EYA4: variants seen among roughly 807,000 people sequenced by gnomAD.
EYA4 encodes protein phosphatase EYA4.
Under a neutral mutation model 87.9 loss-of-function variants are expected in EYA4, and 31 were observed. That is an observed-to-expected ratio of 0.35 (90% confidence interval 0.27 to 0.48). EYA4 has a LOEUF of 0.48. EYA4 is among the 20% of genes least tolerant of loss of function. The pLI is 0.99. For synonymous variants in EYA4, 263 were observed against 270.6 expected (o/e 0.97, Z 0.28); for missense variants, 678 against 761.4 (o/e 0.89, Z 1.29).
intron 3 of EYA4, among the ~76,000 whole-genome samples, chr6:133,421,469 A>G (rs1790216702): frequency 6.6e-6 from 1 of 152,190 alleles, no homozygotes; most frequent in African/African-American, 2.4e-5. Context: ...CCATATGCCT[A>G]AAATTTGGTG....
chr6:133,312,554 A>G (rs1780311731), intron 2 of EYA4, among the ~76,000 whole-genome samples: 1 of 152,236 alleles, frequency 6.6e-6, no homozygotes, highest in Non-Finnish European at 1.5e-5. Flanking sequence ...AAAATACGTT[A>G]TAAACTGTGA....
Position 133,529,702 on chromosome 6 carries a change from A to G in EYA4, c.*897A>G. On this transcript the variant is annotated 3_prime_UTR_variant, in exon 20 of 20. Transcript: ENST00000355286. ...GGTTCTTAATAATTCCAATAATTGTATGAGGCAACTATTTGCGCATCCAAC... is the reference window on the plus strand; with the variant it reads ...GGTTCTTAATAATTCCAATAATTGTGTGAGGCAACTATTTGCGCATCCAAC... 2.0e-6 allele frequency: 2 copies of G among 984,674 alleles called. No homozygotes were observed. Among genetic ancestry groups the G allele is most frequent in the Non-Finnish European group, 2.4e-6 (2 of 829,238 alleles). The allele number at this position is 984,674 out of a possible 1,614,324, so 61.0% of individuals were successfully genotyped here.
At chr6:133,456,534 A>T in intron 5 of EYA4, 22 bp from the exon 6 acceptor site, 1 of 1,511,292 alleles carries the variant, frequency 6.6e-7, no homozygotes, top group Non-Finnish European at 9.2e-7. Flanking sequence ...TAAAACTCAC[A>T]TGTACTTATT....
chr6:133,481,431 G>T, intron 11 of EYA4, 32 bp from the exon 12 acceptor site: 1 of 1,605,926 alleles, frequency 6.2e-7, no homozygotes, highest in South Asian at 1.1e-5. Flanking sequence ...AAAATGAAGT[G>T]CTATTCTTGA....
chr6:133,332,629 C>T lies in EYA4; in HGVS notation c.34-49763C>T, dbSNP rs113062540. 5.5e-4 allele frequency among the ~76,000 whole-genome samples: 84 copies of T among 152,132 alleles called. No individual in the cohort carries two copies. The Middle Eastern group carries it at 0.014, about 25-fold the overall frequency. On this transcript the variant is annotated intron_variant, in intron 2 of 19. Transcript: ENST00000355286. Reference sequence around the variant, plus strand: ...CTTTATCTCAGCTAACTGCTACCTCCGCCTCCCGGGTTCAAGCTATTCCCC... The same window carrying T: ...CTTTATCTCAGCTAACTGCTACCTCTGCCTCCCGGGTTCAAGCTATTCCCC...
chr6:133,470,156 G>C (rs1273814316), intron 11 of EYA4, among the ~76,000 whole-genome samples: 1 of 147,604 alleles, frequency 6.8e-6, no homozygotes, highest in Non-Finnish European at 1.5e-5. Flanking sequence ...TGGACATGAA[G>C]TCCTTGCCCA....
chr6:133,415,871 G>A lies in EYA4; in HGVS notation c.84-30759G>A, dbSNP rs527877226. ...AGACACACAACAAGTATAAAACAGC[G>A]TGGAAGGGCAATAGTAGAGATATGT... On this transcript the variant is annotated intron_variant, in intron 3 of 19. Transcript: ENST00000355286. Among the ~76,000 whole-genome samples the A allele has an allele frequency of 3.9e-5, 6 of 152,316 alleles. No homozygotes were observed. The East Asian group carries it at 5.8e-4, about 15-fold the overall frequency.
rs188550417 is a variant in EYA4, at chr6:133,442,219, T to G, written c.84-4411T>G. ...TTTTTGTTAGGTCACAAAATATTTATAATGTTCTGAACATTATATACAATA... is the reference window on the plus strand; with the variant it reads ...TTTTTGTTAGGTCACAAAATATTTAGAATGTTCTGAACATTATATACAATA... On this transcript the variant is annotated intron_variant, in intron 3 of 19. Transcript: ENST00000355286. 2.7e-3 allele frequency among the ~76,000 whole-genome samples: 413 copies of G among 152,258 alleles called. 1 individual carries two copies. The highest frequency in any genetic ancestry group is 4.7e-3 in the Non-Finnish European group (317 of 68,000).
chr6:133,274,718 A>G lies in EYA4; in HGVS notation c.-63A>G. On this transcript the variant is annotated splice_region_variant and 5_prime_UTR_variant, in exon 2 of 20. The change creates a new upstream start codon in the 5' untranslated region. Coordinates refer to ENST00000355286, the MANE Select transcript of EYA4 (RefSeq NM_004100.5). ...TTGTTTCCATCTTCTTGTTTTAGAT[A>G]GTCATTTTTACTTGAAGGAAGCTGC... 7.5e-7 allele frequency: 1 copy of G among 1,338,196 alleles called. No individual in the cohort carries two copies. Among genetic ancestry groups the G allele is most frequent in the Non-Finnish European group, 1.1e-6 (1 of 928,984 alleles). The allele number at this position is 1,338,196 out of a possible 1,614,324, so 82.9% of individuals were successfully genotyped here. A position where few individuals can be genotyped will look rare whatever the true frequency, so the allele number is the denominator to read the frequency against.
chr6:133,243,628 G>A (rs981110681), intron 1 of EYA4, among the ~76,000 whole-genome samples: 6 of 148,452 alleles, frequency 4.0e-5, no homozygotes, highest in Non-Finnish European at 5.9e-5. Flanking sequence ...TCCCGGGTAC[G>A]GTTTGGTTTT....
Position 133,243,196 on chromosome 6 carries a change from C to G in EYA4, c.-66+1447C>G, listed in dbSNP as rs1774115787. On this transcript the variant is annotated intron_variant, in intron 1 of 19. Transcript: ENST00000355286. ...GGGCCGTTGGCCATTAGTTTGCTTT[C>G]CTGGCTGTCATTACAGACACTTCCA... Among the ~76,000 whole-genome samples, 3 of 152,020 alleles carry G rather than the reference C, an allele frequency of 2.0e-5. No homozygotes were observed. The South Asian group carries it at 6.2e-4, about 32-fold the overall frequency.
At chr6:133,387,773 T>C (rs1336099364) in intron 3 of EYA4, among the ~76,000 whole-genome samples, 1 of 152,198 alleles carries the variant, frequency 6.6e-6, no homozygotes, top group Non-Finnish European at 1.5e-5. Context: ...TATTATAGCT[T>C]AATCTTTTTC....
chr6:133,422,612 G>A lies in EYA4; in HGVS notation c.84-24018G>A, dbSNP rs1046655490. Among the ~76,000 whole-genome samples, 12 of 152,266 alleles carry A rather than the reference G, an allele frequency of 7.9e-5. No individual in the cohort carries two copies. The East Asian group carries it at 2.3e-3, about 29-fold the overall frequency. On this transcript the variant is annotated intron_variant, in intron 3 of 19. Transcript: ENST00000355286. ...TTGAAACAGAAAAGAGGAATTTGGG[G>A]ACTTAGTGCAAGGTACTTGCTTCAC...
chr6:133,429,971 G>T (rs1273246304), intron 3 of EYA4, among the ~76,000 whole-genome samples: 3 of 151,960 alleles, frequency 2.0e-5, no homozygotes, highest in Non-Finnish European at 4.4e-5. Flanking sequence ...CCATCACCCA[G>T]ATTGTGAACA....
intron 3 of EYA4, among the ~76,000 whole-genome samples, chr6:133,439,080 T>A (rs889061438): frequency 3.1e-5 from 4 of 130,896 alleles, no homozygotes; most frequent in African/African-American, 1.1e-4. Flanking sequence ...AAAAAAAGTC[T>A]TTGGGTTGGG....
intron 5 of EYA4, among the ~76,000 whole-genome samples, chr6:133,454,859 C>A (rs1221858413): frequency 2.0e-5 from 3 of 151,992 alleles, no homozygotes; most frequent in African/African-American, 7.3e-5. Context: ...TGAGAAGAGA[C>A]ACTGTCATGA....
intron 3 of EYA4, among the ~76,000 whole-genome samples, chr6:133,439,813 T>A (rs1032881312): frequency 6.6e-6 from 1 of 151,522 alleles, no homozygotes; most frequent in Non-Finnish European, 1.5e-5. Flanking sequence ...GGAATCACAT[T>A]GTTAGCATCA....
intron 11 of EYA4, among the ~76,000 whole-genome samples, chr6:133,470,392 G>A (rs1237231934): frequency 1.2e-5 from 1 of 83,000 alleles, no homozygotes; most frequent in African/African-American, 5.8e-5. Context: ...TCAAAGATCA[G>A]ATAGTTGTAG....
At chr6:133,291,851 T>C (rs1464109294) in intron 2 of EYA4, among the ~76,000 whole-genome samples, 2 of 152,218 alleles carry the variant, frequency 1.3e-5, no homozygotes, top group Non-Finnish European at 2.9e-5. Context: ...GGGGTGATTG[T>C]TTCCATCCTC....
Sources: gnomAD v4.1 joint callset for allele counts (sites outside exome capture counted in the v4.1 genomes callset) on GRCh38, gnomAD v4.1.1 for gene constraint, MANE v1.5 for transcripts, NCBI Gene and HGNC (gene_info 2026-07-23, HGNC 2026-07-21) for gene names.